The following CD163L1 variants were observed in gnomAD, a reference collection of about 807,000 sequenced individuals.
CD163L1 encodes the protein scavenger receptor cysteine-rich type 1 protein M160.
CD163L1 carries 124 observed loss-of-function variants against 165.4 expected under a neutral mutation model. The observed-to-expected ratio is 0.75, with a 90% confidence interval of 0.65 to 0.87. CD163L1 has a LOEUF of 0.87. CD163L1 is among the 40% of genes least tolerant of loss of function. The pLI, the probability that CD163L1 is intolerant of heterozygous loss-of-function variation, is 0.00. For missense variants in CD163L1, 1,525 were observed against 1,799.9 expected, an observed-to-expected ratio of 0.85 and a Z score of 2.76; for synonymous variants, 585 against 662.2, an observed-to-expected ratio of 0.88 and a Z score of 1.79.
At chr12:7,379,432 G>T in intron 8 of CD163L1, 134 bp from the exon 9 acceptor site, 2 of 787,986 alleles carry the variant, frequency 2.5e-6, no homozygotes, top group Admixed American at 3.1e-5. Flanking sequence ...CTTCACCAGT[G>T]TTTAATTTTA....
rs1321090235 is a variant in CD163L1, at chr12:7,374,576, C to T, written c.3275G>A (p.Gly1092Glu). Residue 1092 changes from glycine (G) to glutamate (E), a missense_variant, in exon 13 of 20, where the codon GGG becomes GAG. Physicochemically the swap from Gly to Glu is moderately conservative, Grantham distance 98. Coordinates refer to ENST00000313599, the MANE Select transcript of CD163L1 (RefSeq NM_174941.6). This position sits in a 1 kb window ranked among gnomAD's most constrained non-coding sequence, Gnocchi z 5.4. The stretch of plus-strand genomic sequence containing the variant: ...CAGCCAGATGGGCCCTGACCCCTCC[C>T]CAAAGTGAGCAGAGACCGTGGCATT... ...AFNATVSAHF[G>E]EGSGPIWLDD... 1.2e-6 allele frequency: 2 copies of T among 1,614,242 alleles called. No homozygotes were observed. Among genetic ancestry groups the T allele is most frequent in the South Asian group, 2.2e-5 (2 of 91,086 alleles).
the CD163L1 span, among the ~76,000 whole-genome samples, chr12:7,340,576 C>T: frequency 1.3e-5 from 2 of 152,160 alleles, no homozygotes; most frequent in Non-Finnish European, 2.9e-5. Context: ...AATTCATGTA[C>T]CACTTCCTCA....
chr12:7,392,947 A>G (rs1057069540), intron 8 of CD163L1, among the ~76,000 whole-genome samples: 1 of 152,200 alleles, frequency 6.6e-6, no homozygotes, highest in Non-Finnish European at 1.5e-5. Flanking sequence ...ACCAACCAAA[A>G]AAAGTCCAGG....
At chr12:7,439,944 C>T in intron 2 of CD163L1, 3 of 1,582,576 alleles carry the variant, frequency 1.9e-6, no homozygotes, top group Non-Finnish European at 2.6e-6. Flanking sequence ...CGGCAGCTGA[C>T]ACAGGGGCTG....
In CD163L1 at chr12:7,433,393, A is replaced by T. The variant is rs776590165; in HGVS notation, c.426T>A (p.Asp142Glu). The T allele has an allele frequency of 6.3e-7, 1 of 1,595,978 alleles. No homozygotes were observed. Among genetic ancestry groups the T allele is most frequent in the Non-Finnish European group, 8.5e-7 (1 of 1,170,818 alleles). ...WGSHNCYHGEDVGVNCYGEAN... is the reference protein window; with the variant it reads ...WGSHNCYHGEEVGVNCYGEAN... ...TCTTACCATAACAGTTCACACCAACATCTTCTCCATGATAACAGTTATGGC... is the reference window on the plus strand; with the variant it reads ...TCTTACCATAACAGTTCACACCAACTTCTTCTCCATGATAACAGTTATGGC... The change falls in exon 3 of 20, where the codon GAT becomes GAA. Residue 142 changes from aspartate to glutamate, a missense_variant. Transcript: ENST00000313599.
the CD163L1 span, among the ~76,000 whole-genome samples, chr12:7,333,567 G>C: frequency 5.5e-4 from 83 of 151,922 alleles, 1 homozygote; most frequent in African/African-American, 1.5e-3. Flanking sequence ...ACCCTAACAT[G>C]ACAATTAAAA....
chr12:7,357,588 G>A, intron 18 of CD163L1, 102 bp from the exon 19 acceptor site: 1 of 813,712 alleles, frequency 1.2e-6, no homozygotes, highest in Non-Finnish European at 2.0e-6. Context: ...AAGTATAATA[G>A]AGCAAGAGGT....
intron 4 of CD163L1, among the ~76,000 whole-genome samples, chr12:7,413,200 T>C (rs1948172867): frequency 6.6e-6 from 1 of 151,082 alleles, no homozygotes; most frequent in Admixed American, 6.6e-5. Context: ...TTTCCCTGTA[T>C]CACTCTTCTA....
Position 7,369,526 on chromosome 12 carries a change from G to A in CD163L1, c.3870C>T (p.Gly1290=), listed in dbSNP as rs1055025636. The A allele has an allele frequency of 6.2e-7, 1 of 1,614,154 alleles. No individual in the cohort carries two copies. Among genetic ancestry groups the A allele is most frequent in the Non-Finnish European group, 8.5e-7 (1 of 1,180,030 alleles). The change falls in exon 15 of 20, where the codon GGC becomes GGT. Residue 1290 remains glycine, a synonymous_variant. Coordinates refer to ENST00000313599, the MANE Select transcript of CD163L1 (RefSeq NM_174941.6). This position sits in a 1 kb window ranked among gnomAD's most constrained non-coding sequence, Gnocchi z 4.9. ...CGTCCCTCAGGGCAGCCAGAGCAGA[G>A]CCACAGCCCAGCTGCTGACACACCA... ...AEVVCQQLGC[G]SALAALRDAS... is the part of the protein sequence containing the mutation.
intron 8 of CD163L1, among the ~76,000 whole-genome samples, chr12:7,393,397 A>G (rs1222642756): frequency 1.3e-5 from 2 of 152,214 alleles, no homozygotes; most frequent in African/African-American, 2.4e-5. Flanking sequence ...AACTCTCAAT[A>G]AACTAGGTAT....
the CD163L1 span, chr12:7,327,234 A>G: frequency 8.8e-7 from 1 of 1,132,890 alleles, no homozygotes; most frequent in Non-Finnish European, 1.2e-6. Flanking sequence ...AACCCTAAGA[A>G]TTTTGCTTTA....
chr12:7,379,803 A>G lies in CD163L1; in HGVS notation c.2051-505T>C, dbSNP rs142216127. Among the ~76,000 whole-genome samples, 562 of 152,242 alleles carry G rather than the reference A, an allele frequency of 3.7e-3. 4 individuals carry two copies. The highest frequency in any genetic ancestry group is 0.013 in the African/African-American group (531 of 41,546). ...TGATGCCAAATGAAGTAATTCTAAAAAGAAATTGGAGCTCGGGAAAAGAAA... is the reference window on the plus strand; with the variant it reads ...TGATGCCAAATGAAGTAATTCTAAAGAGAAATTGGAGCTCGGGAAAAGAAA... On this transcript the variant is annotated intron_variant, in intron 8 of 19. Coordinates refer to ENST00000313599, the MANE Select transcript of CD163L1 (RefSeq NM_174941.6).
chr12:7,374,676 T>C lies in CD163L1; in HGVS notation c.3175A>G (p.Thr1059Ala), dbSNP rs761214661. Residue 1059 changes from threonine to alanine, a missense_variant, in exon 13 of 20, where the codon ACC (threonine) becomes GCC (alanine). Transcript: ENST00000313599. The surrounding 1 kb of genome is among the most constrained non-coding windows in gnomAD (Gnocchi z 5.4). ...AGGTCCCAGCCGTCATCACAGATGG[T>C]GCCCCAGAAGCCGTCGTGATAGATC... Reference protein sequence around the residue: ...VEIYHDGFWGTICDDGWDLSD... With the variant: ...VEIYHDGFWGAICDDGWDLSD... 8 of 1,614,084 alleles carry C rather than the reference T, an allele frequency of 5.0e-6. No individual in the cohort carries two copies. The highest frequency in any genetic ancestry group is 1.7e-5 in the Admixed American group (1 of 60,000).
At chr12:7,349,493 G>T (rs1198745586) in intron 4 of CD163L1, among the ~76,000 whole-genome samples, 1 of 152,106 alleles carries the variant, frequency 6.6e-6, no homozygotes, top group Non-Finnish European at 1.5e-5. Flanking sequence ...ATGGTCAATG[G>T]TTAAGCAAAA....
intron 8 of CD163L1, among the ~76,000 whole-genome samples, chr12:7,386,604 C>CAAAAAAA (rs71067187): frequency 8.5e-6 from 1 of 117,476 alleles, no homozygotes; most frequent in Non-Finnish European, 1.8e-5. Context: ...GTCAACATAT[C>CAAAAAAA]AAAAAAAAAA....
intron 5 of CD163L1, among the ~76,000 whole-genome samples, chr12:7,404,139 G>T (rs983870406): frequency 2.6e-5 from 4 of 151,908 alleles, no homozygotes; most frequent in African/African-American, 9.7e-5. Flanking sequence ...TAAGAACCTT[G>T]CTTTAGCCTT....
chr12:7,328,148 C>T, the CD163L1 span: 1 of 573,542 alleles, frequency 1.7e-6, no homozygotes, highest in Non-Finnish European at 3.0e-6. Context: ...TTTCTGGTGT[C>T]CATGAAATTC....
chr12:7,392,710 T>C (rs1947683311), intron 8 of CD163L1, among the ~76,000 whole-genome samples: 3 of 152,050 alleles, frequency 2.0e-5, no homozygotes, highest in Admixed American at 6.6e-5. Context: ...AAGAATCAAA[T>C]AGATGCAATA....
At chr12:7,396,819 G>C (rs1252054523) in intron 7 of CD163L1, among the ~76,000 whole-genome samples, 3 of 151,320 alleles carry the variant, frequency 2.0e-5, no homozygotes, top group Non-Finnish European at 4.4e-5. Context: ...ATAAATCTCT[G>C]TCTCTCTCTC....
Sources: gnomAD v4.1 joint callset for allele counts (sites outside exome capture counted in the v4.1 genomes callset) on GRCh38, gnomAD v4.1.1 for gene constraint, Gnocchi (gnomAD v3.1) non-coding constraint, MANE v1.5 for transcripts, NCBI Gene and HGNC (gene_info 2026-07-23, HGNC 2026-07-21) for gene names.